PTPRA: variants seen among roughly 807,000 people sequenced by gnomAD.
PTPRA encodes the protein receptor-type tyrosine-protein phosphatase alpha.
PTPRA carries 25 observed loss-of-function variants against 104.8 expected under a neutral mutation model. The ratio of observed to expected loss-of-function variants is 0.24; its 90% CI spans 0.17 to 0.33. PTPRA has a LOEUF of 0.33. PTPRA is among the 10% of genes least tolerant of loss of function. PTPRA has a pLI of 1.00. For missense variants in PTPRA, 765 were observed against 1,015.3 expected, an observed-to-expected ratio of 0.75 and a Z score of 3.35; for synonymous variants, 323 against 368.9, an observed-to-expected ratio of 0.88 and a Z score of 1.43.
chr20:2,896,482 C>A (rs1042237716), intron 1 of PTPRA, among the ~76,000 whole-genome samples: 1 of 152,206 alleles, frequency 6.6e-6, no homozygotes, highest in South Asian at 2.1e-4. Flanking sequence ...TGCCATTTGG[C>A]CTAGTTTACC....
chr20:2,879,648 T>G (rs1399752882), intron 1 of PTPRA, among the ~76,000 whole-genome samples: 1 of 152,142 alleles, frequency 6.6e-6, no homozygotes, highest in Non-Finnish European at 1.5e-5. Context: ...TAACGATGTT[T>G]CCATCAAGGA....
intron 3 of PTPRA, among the ~76,000 whole-genome samples, chr20:2,956,082 T>C (rs1344589102): frequency 6.6e-6 from 1 of 152,164 alleles, no homozygotes; most frequent in Non-Finnish European, 1.5e-5. Context: ...TCTACCCCTA[T>C]AAATCCTCTT....
intron 2 of PTPRA, among the ~76,000 whole-genome samples, chr20:2,942,208 A>G (rs1302256488): frequency 6.6e-6 from 1 of 152,298 alleles, no homozygotes; most frequent in East Asian, 1.9e-4. Flanking sequence ...ATTTTTATTA[A>G]TATGTTTTCC....
At chr20:2,988,554 T>C in intron 9 of PTPRA, 80 bp downstream of exon 9, 1 of 1,542,822 alleles carries the variant, frequency 6.5e-7, no homozygotes, top group Non-Finnish European at 8.7e-7. Flanking sequence ...TTTGGAGTCA[T>C]GAAGTAAAAA....
At chr20:2,893,594 T>G (rs2058881531) in intron 1 of PTPRA, among the ~76,000 whole-genome samples, 1 of 152,198 alleles carries the variant, frequency 6.6e-6, no homozygotes, top group Non-Finnish European at 1.5e-5. Flanking sequence ...TAGCTATATT[T>G]TCATCCCCAA....
chr20:2,865,300 C>A, the PTPRA span: 26 of 1,614,150 alleles, frequency 1.6e-5, no homozygotes, highest in South Asian at 2.7e-4. The surrounding 1 kb of genome is among the most constrained non-coding windows in gnomAD (Gnocchi z 5.2). Flanking sequence ...CACGTGACTT[C>A]CGCATCCCTG....
chr20:3,037,336 C>T lies in PTPRA; in HGVS notation c.2334+47C>T. 2 of 1,605,376 alleles carry T rather than the reference C, an allele frequency of 1.2e-6. No homozygotes were observed. Among genetic ancestry groups the T allele is most frequent in the Non-Finnish European group, 1.7e-6 (2 of 1,175,866 alleles). On this transcript the variant is annotated intron_variant, in intron 23 of 23. Transcript: ENST00000399903. The surrounding 1 kb of genome is among the most constrained non-coding windows in gnomAD (Gnocchi z 4.3). Reference sequence around the variant, plus strand: ...CCCTGCCACCACACCACCTGCAGCCCTTCTCTCAGGGAGGAGGCTCTTCAG... The same window carrying T: ...CCCTGCCACCACACCACCTGCAGCCTTTCTCTCAGGGAGGAGGCTCTTCAG...
intron 2 of PTPRA, among the ~76,000 whole-genome samples, chr20:2,926,360 A>T (rs527727): frequency 0.62 from 94,016 of 152,020 alleles, 29,948 homozygotes; most frequent in East Asian, 0.79. Context: ...AGCTTCTGGT[A>T]GCCTCAGGCA....
chr20:2,900,359 C>A (rs1172332254), intron 1 of PTPRA, among the ~76,000 whole-genome samples: 3 of 152,094 alleles, frequency 2.0e-5, no homozygotes, highest in South Asian at 2.1e-4. Context: ...AATCTCCTGA[C>A]TATGTAGGCC....
chr20:2,961,935 C>G (rs1229272807), intron 3 of PTPRA, among the ~76,000 whole-genome samples: 1 of 152,150 alleles, frequency 6.6e-6, no homozygotes, highest in Non-Finnish European at 1.5e-5. Flanking sequence ...TGTTTATGAT[C>G]TCTGTTCCGT....
chr20:3,016,864 T>C (rs1319510555), intron 12 of PTPRA, among the ~76,000 whole-genome samples: 1 of 152,250 alleles, frequency 6.6e-6, no homozygotes, highest in Non-Finnish European at 1.5e-5. Flanking sequence ...TTATGATAGA[T>C]GACATCATCT....
chr20:2,989,605 A>G (rs2063063612), intron 9 of PTPRA, among the ~76,000 whole-genome samples: 1 of 152,228 alleles, frequency 6.6e-6, no homozygotes, highest in African/African-American at 2.4e-5. Flanking sequence ...GGCTGTGTGC[A>G]GCTGAAGACC....
chr20:3,016,973 GTAT>G (rs1455788588), intron 12 of PTPRA, among the ~76,000 whole-genome samples: 1 of 152,084 alleles, frequency 6.6e-6, no homozygotes. Flanking sequence ...TGGGGTTAAG[GTAT>G]TTATTATTAT....
At chr20:3,016,462 T>C (rs780078235) in intron 12 of PTPRA, among the ~76,000 whole-genome samples, 6 of 152,232 alleles carry the variant, frequency 3.9e-5, no homozygotes, top group Non-Finnish European at 8.8e-5. Context: ...TAAAAAGTAA[T>C]TGAGGCCGGG....
At chr20:2,910,600 G>GTTTTTTTTTTTTT (rs1324636448) in intron 1 of PTPRA, among the ~76,000 whole-genome samples, 1 of 64,428 alleles carries the variant, frequency 1.6e-5, no homozygotes, top group Non-Finnish European at 2.7e-5. Context: ...TTTTTTTTTT[G>GTTTTTTTTTTTTT]TTTTTTTTAA....
chr20:2,969,043 A>C (rs753433865), intron 5 of PTPRA, among the ~76,000 whole-genome samples: 1 of 152,066 alleles, frequency 6.6e-6, no homozygotes, highest in Non-Finnish European at 1.5e-5. Context: ...CCCTCTGTCT[A>C]CCTACTAAAA....
intron 5 of PTPRA, among the ~76,000 whole-genome samples, chr20:2,973,083 T>C (rs1176755964): frequency 2.0e-5 from 3 of 152,166 alleles, no homozygotes; most frequent in Non-Finnish European, 4.4e-5. Context: ...TTATTTATTA[T>C]AATAGCCTAC....
At chr20:3,026,927 G>C in intron 18 of PTPRA, 147 bp downstream of exon 18, 1 of 907,864 alleles carries the variant, frequency 1.1e-6, no homozygotes, top group Non-Finnish European at 1.7e-6. Context: ...ACAACATGGC[G>C]TTGCCTTTTG....
chr20:2,962,895 A>G (rs73086661), intron 3 of PTPRA, among the ~76,000 whole-genome samples: 23,540 of 151,986 alleles, frequency 0.15, 2,212 homozygotes, highest in South Asian at 0.3. Flanking sequence ...TGAGATTTTC[A>G]TGTGTCCCTT....
Sources: allele counts gnomAD v4.1 joint callset (sites outside exome capture counted in the v4.1 genomes callset), GRCh38; gene constraint gnomAD v4.1.1; non-coding constraint Gnocchi (gnomAD v3.1); transcripts MANE v1.5; gene names NCBI Gene and HGNC (gene_info 2026-07-23, HGNC 2026-07-21).